The following FAM120B variants were observed in gnomAD, a reference collection of about 807,000 sequenced individuals.
FAM120B encodes family with sequence similarity 120 member B.
FAM120B carries 83 observed loss-of-function variants against 96.3 expected under a neutral mutation model. That is an observed-to-expected ratio of 0.86 (90% CI 0.72 to 1.03). The LOEUF (loss-of-function observed/expected upper bound fraction) is 1.03. Among genes scored for constraint, FAM120B ranks in the 50% least tolerant of loss-of-function variants. FAM120B has a pLI of 0.00. For synonymous variants in FAM120B, 407 were observed against 402.7 expected (o/e 1.01, Z -0.13); for missense variants, 1,027 against 1,121.2 (o/e 0.92, Z 1.20).
intron 6 of FAM120B, among the ~76,000 whole-genome samples, chr6:170,366,465 C>G (rs1392024599): frequency 4.6e-5 from 7 of 152,192 alleles, no homozygotes; most frequent in Non-Finnish European, 1.0e-4. Flanking sequence ...TGGACCTGTG[C>G]TCTGAGGGGC....
rs76907952 is a variant in FAM120B at position 170,391,950 on chromosome 6, C to T, written c.2599+829C>T. Among the ~76,000 whole-genome samples, 83 of 152,296 alleles carry T rather than the reference C, an allele frequency of 5.4e-4. 2 individuals carry two copies. The East Asian group carries it at 0.014, about 26-fold the overall frequency. On this transcript the variant is annotated intron_variant, in intron 8 of 10. Transcript: ENST00000476287. ...CGTTAACACCGTTCTTCTTAAACAA[C>T]GGCCACAGAATCTTCCACTACTACA...
chr6:170,317,031 G>A (rs1375901449), intron 1 of FAM120B, among the ~76,000 whole-genome samples: 1 of 152,128 alleles, frequency 6.6e-6, no homozygotes, highest in Non-Finnish European at 1.5e-5. Context: ...TTCTGTTTGA[G>A]TTCCTAGATG....
chr6:170,372,350 C>T (rs1457032940), intron 6 of FAM120B, among the ~76,000 whole-genome samples: 2 of 130,562 alleles, frequency 1.5e-5, no homozygotes, highest in Non-Finnish European at 3.0e-5. Context: ...ATTAGTATTT[C>T]AGAGACATCT....
In FAM120B at chr6:170,358,226, G is replaced by T; in HGVS notation, c.2191G>T (p.Val731Leu). The stretch of plus-strand genomic sequence containing the variant: ...ACTGGCCTTTCTCTGTCCTTTTCAG[G>T]TGGACACGCTTTGCCTGGAGGATTT... ...CCLLIYLFVQVDTLCLEDLHA... is the reference protein window; with the variant it reads ...CCLLIYLFVQLDTLCLEDLHA... The change falls in exon 6 of 11, where the codon GTG (valine) becomes TTG (leucine). Residue 731 changes from valine to leucine, a missense_variant and splice_region_variant. Coordinates refer to ENST00000476287, the MANE Select transcript of FAM120B (RefSeq NM_032448.3). 1.3e-6 allele frequency: 2 copies of T among 1,594,206 alleles called. No individual in the cohort carries two copies. The highest frequency in any genetic ancestry group is 1.7e-6 in the Non-Finnish European group (2 of 1,165,352).
chr6:170,394,156 A>G lies in FAM120B; in HGVS notation c.2600-1331A>G, dbSNP rs1001264798. The stretch of plus-strand genomic sequence containing the variant: ...GCAGCAGTCACAAAGGGATGACATC[A>G]CGGCAGGAAGGTGGGTCTTGGGGGA... On this transcript the variant is annotated intron_variant, in intron 8 of 10. Transcript: ENST00000476287. Among the ~76,000 whole-genome samples, 6 of 152,198 alleles carry G rather than the reference A, an allele frequency of 3.9e-5. No homozygotes were observed. The East Asian group carries it at 9.6e-4, about 24-fold the overall frequency.
chr6:170,328,535 T>C (rs9366205), intron 3 of FAM120B, among the ~76,000 whole-genome samples: 21,931 of 152,214 alleles, frequency 0.14, 1,631 homozygotes, highest in East Asian at 0.2. Context: ...TTGTTCCCCA[T>C]GTGTTACGTG....
intron 1 of FAM120B, among the ~76,000 whole-genome samples, chr6:170,300,378 C>A (rs748099965): frequency 6.6e-6 from 1 of 152,176 alleles, no homozygotes; most frequent in Non-Finnish European, 1.5e-5. Context: ...ATTCAATTAA[C>A]CTCCCAGAAA....
At chr6:170,341,471 C>T (rs1370786341) in intron 4 of FAM120B, among the ~76,000 whole-genome samples, 1 of 152,166 alleles carries the variant, frequency 6.6e-6, no homozygotes. Flanking sequence ...CCACTTGGCT[C>T]CCTGGCTTCA....
chr6:170,394,025 A>AG (rs1790602323), intron 8 of FAM120B, among the ~76,000 whole-genome samples: 1 of 152,126 alleles, frequency 6.6e-6, no homozygotes, highest in South Asian at 2.1e-4. Context: ...CTCATGCTGG[A>AG]GGTGAGCTGG....
intron 4 of FAM120B, among the ~76,000 whole-genome samples, chr6:170,332,624 G>A (rs1193428269): frequency 2.0e-5 from 3 of 152,092 alleles, no homozygotes; most frequent in Admixed American, 6.5e-5. Flanking sequence ...CTGGAACCCT[G>A]GAGGCGGAGG....
rs186673239 is a variant in FAM120B at position 170,300,933 on chromosome 6, C to T, written c.48+5480C>T. 3.0e-3 allele frequency among the ~76,000 whole-genome samples: 463 copies of T among 152,326 alleles called. 1 individual carries two copies. Among genetic ancestry groups the T allele is most frequent in the African/African-American group, 0.01 (417 of 41,560 alleles). On this transcript the variant is annotated intron_variant, in intron 1 of 10. Coordinates refer to the FAM120B transcript ENST00000537664. ...GCTGCCTTCATGGGCTGGCATAGAG[C>T]GTCTGCAGCTTTTCCAGGTGCACTT...
In FAM120B at chr6:170,406,394, T is replaced by C. The variant is rs1367829200; in HGVS notation, c.*1643T>C. On this transcript the variant is annotated 3_prime_UTR_variant, in exon 11 of 11. Coordinates refer to ENST00000476287, the MANE Select transcript of FAM120B (RefSeq NM_032448.3). The stretch of plus-strand genomic sequence containing the variant: ...AACAAAATAAGCCCCTGAACGTGCT[T>C]GCAGGCCAGTTTGTGTGCCTGCACT... 6.6e-6 allele frequency: 1 copy of C among 152,166 alleles called. No individual in the cohort carries two copies. Among genetic ancestry groups the C allele is most frequent in the Admixed American group, 6.5e-5 (1 of 15,292 alleles). 9.4% of individuals were successfully genotyped at this position (152,166 alleles called of 1,614,324 possible). A position where few individuals can be genotyped will look rare whatever the true frequency, so the allele number is the denominator to read the frequency against.
upstream of FAM120B, among the ~76,000 whole-genome samples, chr6:170,294,309 AG>A (rs1783950510): frequency 1.3e-5 from 2 of 152,210 alleles, no homozygotes; most frequent in South Asian, 4.1e-4. The surrounding 1 kb of genome is among the most constrained non-coding windows in gnomAD (Gnocchi z 7.9). Flanking sequence ...GAGGCTCATT[AG>A]GGCTTAGAAG....
intron 4 of FAM120B, among the ~76,000 whole-genome samples, chr6:170,343,705 C>T (rs1240439856): frequency 6.6e-6 from 1 of 152,036 alleles, no homozygotes; most frequent in Non-Finnish European, 1.5e-5. Context: ...CTGGGCCCTA[C>T]CCCTAGAATT....
chr6:170,389,453 T>G (rs1790366723), intron 7 of FAM120B, among the ~76,000 whole-genome samples: 1 of 152,146 alleles, frequency 6.6e-6, no homozygotes, highest in Non-Finnish European at 1.5e-5. Context: ...TATGGTTAGG[T>G]AGGGCGAGCA....
chr6:170,293,354 C>T (rs1439662962), upstream of FAM120B, among the ~76,000 whole-genome samples: 6 of 152,108 alleles, frequency 3.9e-5, no homozygotes, highest in Non-Finnish European at 5.9e-5. Context: ...AAAACAGGCT[C>T]ATTTGAATGC....
intron 4 of FAM120B, among the ~76,000 whole-genome samples, chr6:170,341,251 CT>C: frequency 6.6e-6 from 1 of 152,250 alleles, no homozygotes; most frequent in South Asian, 2.1e-4. Context: ...CTTTGCCGCA[CT>C]GTGGTGAGTT....
upstream of FAM120B, among the ~76,000 whole-genome samples, chr6:170,305,023 C>T (rs907993284): frequency 3.3e-5 from 5 of 152,066 alleles, no homozygotes; most frequent in East Asian, 1.9e-4. Context: ...TATCCTCACA[C>T]GGTGGAAAGT....
chr6:170,310,630 G>C (rs974018286), intron 1 of FAM120B, among the ~76,000 whole-genome samples: 3 of 152,214 alleles, frequency 2.0e-5, no homozygotes, highest in African/African-American at 7.2e-5. Flanking sequence ...CTTCTTCTTT[G>C]CTGCTAGAAT....
Sources: allele counts gnomAD v4.1 joint callset (sites outside exome capture counted in the v4.1 genomes callset), GRCh38; gene constraint gnomAD v4.1.1; non-coding constraint Gnocchi (gnomAD v3.1); transcripts MANE v1.5; gene names NCBI Gene and HGNC (gene_info 2026-07-23, HGNC 2026-07-21).